Variants in RPS6KC1 observed in about 807,000 individuals in gnomAD.
RPS6KC1 encodes ribosomal protein S6 kinase C1, also known as inactive ribosomal protein S6 kinase delta-1.
In RPS6KC1, 54 loss-of-function variants were observed where a neutral mutation model predicts 103.8. That is an observed-to-expected ratio of 0.52 (90% CI 0.42 to 0.65). The LOEUF (loss-of-function observed/expected upper bound fraction) is 0.65, where lower values mean the gene tolerates loss of function less well. RPS6KC1 is among the 30% of genes least tolerant of loss of function. The pLI is 0.00. For missense variants in RPS6KC1, 1,151 were observed against 1,253.8 expected (o/e 0.92, Z 1.24); for synonymous variants, 439 against 438.7 (o/e 1.00, Z -0.01).
At chr1:213,587,344 G>A in the RPS6KC1 span, among the ~76,000 whole-genome samples, 5 of 152,212 alleles carry the variant, frequency 3.3e-5, no homozygotes, top group Non-Finnish European at 2.9e-5. Flanking sequence ...ACCAATGGTG[G>A]CATCCAGCTT....
the RPS6KC1 span, among the ~76,000 whole-genome samples, chr1:213,844,152 T>G: frequency 6.6e-6 from 1 of 152,198 alleles, no homozygotes; most frequent in Non-Finnish European, 1.5e-5. Context: ...GTAATAAACA[T>G]CAAGACAAGT....
the RPS6KC1 span, among the ~76,000 whole-genome samples, chr1:213,768,115 T>C: frequency 6.6e-6 from 1 of 152,168 alleles, no homozygotes; most frequent in East Asian, 1.9e-4. Flanking sequence ...AAGATTCTGT[T>C]AGGGAGTACT....
chr1:213,523,372 A>G, the RPS6KC1 span, among the ~76,000 whole-genome samples: 3 of 152,248 alleles, frequency 2.0e-5, no homozygotes, highest in Admixed American at 6.5e-5. Flanking sequence ...TCAAAACATG[A>G]CACAGAGACA....
the RPS6KC1 span, among the ~76,000 whole-genome samples, chr1:213,687,969 G>A: frequency 6.6e-6 from 1 of 152,160 alleles, no homozygotes; most frequent in Non-Finnish European, 1.5e-5. Flanking sequence ...CCTTAGCGGG[G>A]AAGATGCTGA....
the RPS6KC1 span, among the ~76,000 whole-genome samples, chr1:213,862,023 C>T: frequency 6.6e-6 from 1 of 152,094 alleles, no homozygotes; most frequent in Non-Finnish European, 1.5e-5. Flanking sequence ...AGGGGTCCTG[C>T]GGCTAGAAAG....
At chr1:213,780,975 A>G in the RPS6KC1 span, among the ~76,000 whole-genome samples, 1 of 152,222 alleles carries the variant, frequency 6.6e-6, no homozygotes, top group Non-Finnish European at 1.5e-5. Flanking sequence ...GTGAATCAAG[A>G]TCATGCCACT....
the RPS6KC1 span, among the ~76,000 whole-genome samples, chr1:213,643,815 T>C: frequency 1.3e-5 from 2 of 152,016 alleles, no homozygotes; most frequent in African/African-American, 4.8e-5. Context: ...GTCTTTTGTA[T>C]TTATGTTAGC....
At chr1:213,611,714 G>C in the RPS6KC1 span, among the ~76,000 whole-genome samples, 1 of 152,176 alleles carries the variant, frequency 6.6e-6, no homozygotes, top group Non-Finnish European at 1.5e-5. Context: ...TTGCTCCTGT[G>C]ACTAAAGCTT....
chr1:213,602,074 CTTTCTCTTTCTTTCTTTCTTTCTTTCTT>C, the RPS6KC1 span, among the ~76,000 whole-genome samples: 2 of 50,050 alleles, frequency 4.0e-5, no homozygotes, highest in African/African-American at 2.1e-4. Flanking sequence ...TTCTTTCTTT[CTTTCTCTTTCTTTCTTTCTTTCTTTCTT>C]TCTTTCTTTC....
the RPS6KC1 span, among the ~76,000 whole-genome samples, chr1:213,788,814 A>T: frequency 6.6e-6 from 1 of 152,126 alleles, no homozygotes; most frequent in Non-Finnish European, 1.5e-5. Flanking sequence ...GAGGAGAGTG[A>T]ATTTGGAATA....
chr1:213,214,708 G>T (rs905937700), intron 8 of RPS6KC1, among the ~76,000 whole-genome samples: 4 of 152,274 alleles, frequency 2.6e-5, no homozygotes, highest in African/African-American at 9.6e-5. Context: ...CAGCAACATT[G>T]GCTGTTTAGC....
At chr1:213,540,348 T>C in the RPS6KC1 span, among the ~76,000 whole-genome samples, 1 of 152,100 alleles carries the variant, frequency 6.6e-6, no homozygotes, top group South Asian at 2.1e-4. Flanking sequence ...GCAATATTGA[T>C]TGATTGATTG....
At chr1:213,633,610 C>T in the RPS6KC1 span, among the ~76,000 whole-genome samples, 7 of 151,866 alleles carry the variant, frequency 4.6e-5, no homozygotes, top group African/African-American at 1.2e-4. Flanking sequence ...AAATGTAAAA[C>T]CATCGATGCT....
the RPS6KC1 span, among the ~76,000 whole-genome samples, chr1:213,308,318 A>G: frequency 1.7e-3 from 242 of 138,600 alleles, 1 homozygote; most frequent in Non-Finnish European, 2.9e-3. Context: ...TGTCTCCAGA[A>G]AAAAAAAAAA....
At chr1:213,160,839 G>A (rs1172184402) in intron 6 of RPS6KC1, among the ~76,000 whole-genome samples, 2 of 151,368 alleles carry the variant, frequency 1.3e-5, no homozygotes, top group African/African-American at 4.9e-5. Context: ...TCACACACTG[G>A]GGCCTGTCAT....
At chr1:213,276,969 T>C (rs1373068348), downstream of RPS6KC1, among the ~76,000 whole-genome samples, 2 of 152,334 alleles carry the variant, frequency 1.3e-5, no homozygotes, top group Non-Finnish European at 1.5e-5. Context: ...CTCAGTCCTT[T>C]GGCAGGCATA....
At chr1:213,096,440 A>G (rs1050876807) in intron 3 of RPS6KC1, among the ~76,000 whole-genome samples, 2 of 151,986 alleles carry the variant, frequency 1.3e-5, no homozygotes, top group East Asian at 1.9e-4. Context: ...TATAGTCCCA[A>G]CACTTTGGGA....
chr1:213,553,060 G>A, the RPS6KC1 span, among the ~76,000 whole-genome samples: 1 of 151,974 alleles, frequency 6.6e-6, no homozygotes, highest in African/African-American at 2.4e-5. Context: ...TTGTTACATG[G>A]GTAAATTGTG....
At chr1:213,744,405 C>T in the RPS6KC1 span, among the ~76,000 whole-genome samples, 10 of 152,184 alleles carry the variant, frequency 6.6e-5, no homozygotes, top group Non-Finnish European at 1.2e-4. Context: ...AACACAAAAA[C>T]GCAGTATGCT....
Sources: gnomAD v4.1 joint callset for allele counts (sites outside exome capture counted in the v4.1 genomes callset) on GRCh38, gnomAD v4.1.1 for gene constraint, MANE v1.5 for transcripts, NCBI Gene and HGNC (gene_info 2026-07-23, HGNC 2026-07-21) for gene names.